The following STRADA variants were observed in gnomAD, a reference collection of about 807,000 sequenced individuals.
The protein encoded by STRADA is STE20 related adaptor alpha.
Under a neutral mutation model 55.0 loss-of-function variants are expected in STRADA, and 26 were observed. The observed-to-expected ratio is 0.47, with a 90% CI of 0.35 to 0.66. The LOEUF is 0.66. STRADA is among the 30% of genes least tolerant of loss of function. STRADA has a pLI of 0.01. For synonymous variants in STRADA, 197 were observed against 210.9 expected, an observed-to-expected ratio of 0.93 and a Z score of 0.57; for missense variants, 443 against 549.7, an observed-to-expected ratio of 0.81 and a Z score of 1.94.
At chr17:63,729,813 A>C (rs917716066) in intron 1 of STRADA, among the ~76,000 whole-genome samples, 38 of 151,764 alleles carry the variant, frequency 2.5e-4, no homozygotes, top group East Asian at 2.1e-3. Context: ...AAAACAACAA[A>C]AAAAAAACCA....
intron 1 of STRADA, among the ~76,000 whole-genome samples, chr17:63,740,436 A>C (rs2038857868): frequency 6.6e-6 from 1 of 151,838 alleles, no homozygotes; most frequent in South Asian, 2.1e-4. Flanking sequence ...TGCTTGTACC[A>C]AGGAGGCCGA....
intron 4 of STRADA, among the ~76,000 whole-genome samples, chr17:63,720,289 C>G (rs1399371300): frequency 6.6e-6 from 1 of 151,914 alleles, no homozygotes; most frequent in Non-Finnish European, 1.5e-5. Flanking sequence ...ATTTTTCTGC[C>G]TCATCTTCCT....
intron 4 of STRADA, among the ~76,000 whole-genome samples, chr17:63,716,508 A>G (rs1307339703): frequency 6.6e-6 from 1 of 152,178 alleles, no homozygotes; most frequent in East Asian, 1.9e-4. Context: ...AATGAAGATG[A>G]GGATCTTTTC....
At chr17:63,736,289 G>A (rs887348031) in intron 1 of STRADA, among the ~76,000 whole-genome samples, 1 of 151,876 alleles carries the variant, frequency 6.6e-6, no homozygotes, top group Non-Finnish European at 1.5e-5. Context: ...TAATATTCCA[G>A]TAAAATGAGG....
chr17:63,723,478 AAC>A (rs1180881020), intron 3 of STRADA, 152 bp from the exon 4 acceptor site: 1 of 734,724 alleles, frequency 1.4e-6, no homozygotes. Flanking sequence ...GCTACATATA[AAC>A]ACACACAGAT....
chr17:63,711,543 G>A (rs554964695), intron 6 of STRADA, among the ~76,000 whole-genome samples: 1 of 151,952 alleles, frequency 6.6e-6, no homozygotes, highest in Non-Finnish European at 1.5e-5. Flanking sequence ...TGTAGAGACA[G>A]GGTTTTGCCA....
intron 4 of STRADA, 52 bp downstream of exon 4, chr17:63,723,245 AG>A: frequency 6.3e-7 from 1 of 1,593,508 alleles, no homozygotes; most frequent in Non-Finnish European, 8.6e-7. Context: ...AACTTCCACA[AG>A]AAGTCATCTC....
At chr17:63,704,714 G>C in intron 10 of STRADA, 132 bp from the exon 11 acceptor site, 1 of 1,509,702 alleles carries the variant, frequency 6.6e-7, no homozygotes, top group Admixed American at 2.1e-5. Context: ...AGTGGAAAAG[G>C]TGGAAGTGGA....
chr17:63,705,141 T>C, intron 10 of STRADA: 1 of 598,630 alleles, frequency 1.7e-6, no homozygotes, highest in Non-Finnish European at 3.0e-6. Flanking sequence ...GCTGTCCTCG[T>C]GGAAGTCCTC....
chr17:63,709,852 C>T (rs554218113), intron 8 of STRADA, among the ~76,000 whole-genome samples: 1 of 152,224 alleles, frequency 6.6e-6, no homozygotes, highest in South Asian at 2.1e-4. Flanking sequence ...ATAAGACTGA[C>T]TCTGGGGCAC....
chr17:63,719,234 A>G (rs1284011668), intron 4 of STRADA: 1 of 152,160 alleles, frequency 6.6e-6, no homozygotes, highest in East Asian at 1.9e-4. Flanking sequence ...GTTACTCAGA[A>G]CACTCTATAG....
intron 10 of STRADA, chr17:63,704,821 C>T (rs1477965608): frequency 1.3e-6 from 2 of 1,535,340 alleles, no homozygotes; most frequent in Non-Finnish European, 1.7e-6. Context: ...CAAAAGTACC[C>T]GCTTTCGCCA....
chr17:63,725,970 G>C (rs970200613), intron 3 of STRADA: 1 of 152,090 alleles, frequency 6.6e-6, no homozygotes, highest in Admixed American at 6.6e-5. Flanking sequence ...ATACCCGGCC[G>C]GTAATCTGTT....
At chr17:63,723,583 T>C in intron 3 of STRADA, 2 of 476,318 alleles carry the variant, frequency 4.2e-6, no homozygotes, top group Middle Eastern at 5.6e-4. Context: ...GGGTATTCTT[T>C]ACTGGATAGA....
chr17:63,710,024 CCTT>C (rs2036382340), intron 8 of STRADA, among the ~76,000 whole-genome samples: 1 of 150,748 alleles, frequency 6.6e-6, no homozygotes. Flanking sequence ...GAATCCAGAT[CCTT>C]CTCTCTTTTT....
intron 1 of STRADA, among the ~76,000 whole-genome samples, chr17:63,730,397 CTTT>C (rs551513709): frequency 3.6e-5 from 5 of 139,874 alleles, no homozygotes; most frequent in East Asian, 2.1e-4. Context: ...ACTTAGTTGA[CTTT>C]TTTTTTTTTT....
chr17:63,713,479 G>A lies in STRADA; in HGVS notation c.275C>T (p.Pro92Leu). ...CCGTACAGTCACGTACTCTCCTGTT[G>A]GTTTGTACCTTGCTAGATTCACAGT... is the stretch of plus-strand genomic sequence containing the variant. ...LMTVNLARYK[P>L]TGEYVTVRRI... Residue 92 changes from proline (P) to leucine (L), a missense_variant, in exon 6 of 13, where the codon CCA (proline) becomes CTA (leucine). Physicochemically the swap from Pro to Leu is moderately conservative, Grantham distance 98 (BLOSUM62 -3). Transcript: ENST00000336174. 6.2e-7 allele frequency: 1 copy of A among 1,614,040 alleles called. No homozygotes were observed.
intron 2 of STRADA, 193 bp downstream of exon 2, chr17:63,728,141 T>C: frequency 1.9e-6 from 1 of 526,580 alleles, no homozygotes; most frequent in South Asian, 2.6e-5. Flanking sequence ...GTGGTAAATT[T>C]TGTGTCTCTG....
chr17:63,723,434 C>T, intron 3 of STRADA, 108 bp from the exon 4 acceptor site: 1 of 1,377,492 alleles, frequency 7.3e-7, no homozygotes, highest in Non-Finnish European at 1.0e-6. Context: ...ATAGAAACCA[C>T]TTAAAAGTCA....
Sources: gnomAD v4.1 joint callset for allele counts (sites outside exome capture counted in the v4.1 genomes callset) on GRCh38, gnomAD v4.1.1 for gene constraint, MANE v1.5 for transcripts, NCBI Gene and HGNC (gene_info 2026-07-23, HGNC 2026-07-21) for gene names.